ZC3H11A: variants seen among roughly 807,000 people sequenced by gnomAD.
ZC3H11A encodes the protein zinc finger CCCH-type containing 11A.
In ZC3H11A, 22 loss-of-function variants were observed where a neutral mutation model predicts 90.8. The ratio of observed to expected loss-of-function variants is 0.24; its 90% CI spans 0.17 to 0.35. ZC3H11A has a LOEUF of 0.35. Among genes scored for constraint, ZC3H11A ranks in the 10% least tolerant of loss-of-function variants. The pLI, the probability that ZC3H11A is intolerant of heterozygous loss-of-function variation, is 1.00. For synonymous variants in ZC3H11A, 294 were observed against 339.8 expected, an observed-to-expected ratio of 0.87 and a Z score of 1.48; for missense variants, 701 against 964.9, an observed-to-expected ratio of 0.73 and a Z score of 3.62.
At position 203,843,014 on chromosome 1, in the gene ZC3H11A, C is replaced by T. The variant is rs566504717; in HGVS notation, c.1042+2640C>T. 7.9e-5 allele frequency among the ~76,000 whole-genome samples: 12 copies of T among 151,338 alleles called. No individual in the cohort carries two copies. The South Asian group carries it at 2.5e-3, about 32-fold the overall frequency. On this transcript the variant is annotated intron_variant, in intron 12 of 17. Transcript: ENST00000367210. ...TCTATTTATGAATGCTGTTAGCCAC[C>T]TTAGGTTACTTTTTATCCCCCATCC...
At chr1:203,796,233 G>C in intron 1 of ZC3H11A, 2 of 393,108 alleles carry the variant, frequency 5.1e-6, no homozygotes. Flanking sequence ...GACCCTCACT[G>C]CCTAAATCAA....
intron 10 of ZC3H11A, chr1:203,834,196 T>A: frequency 2.0e-6 from 1 of 508,762 alleles, no homozygotes; most frequent in Non-Finnish European, 2.6e-6. Flanking sequence ...TCTCTTAGAA[T>A]ACAGGAATCC....
intron 2 of ZC3H11A, among the ~76,000 whole-genome samples, chr1:203,811,327 AT>A (rs1457604707): frequency 5.9e-5 from 9 of 152,166 alleles, no homozygotes; most frequent in Admixed American, 3.9e-4. Context: ...AGATAAATAA[AT>A]AAATAAAATT....
At chr1:203,821,154 C>T (rs1251102585) in intron 4 of ZC3H11A, among the ~76,000 whole-genome samples, 7 of 152,052 alleles carry the variant, frequency 4.6e-5, no homozygotes, top group South Asian at 2.1e-4. Context: ...AGTGCGTTCT[C>T]GTGAGATCTG....
intron 1 of ZC3H11A, chr1:203,799,521 C>T (rs958860723): frequency 4.3e-6 from 3 of 702,852 alleles, no homozygotes; most frequent in Non-Finnish European, 7.8e-6. Flanking sequence ...CTCAGTTCAC[C>T]ATAGTCTTGG....
chr1:203,834,659 T>C (rs941411232), intron 10 of ZC3H11A, among the ~76,000 whole-genome samples: 3 of 152,114 alleles, frequency 2.0e-5, no homozygotes, highest in African/African-American at 7.2e-5. Flanking sequence ...AAATTATTAT[T>C]ATCATTTGAA....
Position 203,838,033 on chromosome 1 carries a change from A to G in ZC3H11A, c.942A>G (p.Pro314=), listed in dbSNP as rs1684920850. 6.2e-7 allele frequency: 1 copy of G among 1,614,250 alleles called. No individual in the cohort carries two copies. The highest frequency in any genetic ancestry group is 8.5e-7 in the Non-Finnish European group (1 of 1,180,036). The change falls in exon 11 of 18, where the codon CCA becomes CCG. Residue 314 remains proline (P), a synonymous_variant. Coordinates refer to ENST00000367210, the MANE Select transcript of ZC3H11A (RefSeq NM_001376342.1). ...GGCTAGGGAAGAAAGTTGAAGCTCC[A>G]GAAACTAACATTGACAAAACACCAA... ...AQRLGKKVEA[P]ETNIDKTPKK... is the part of the protein sequence containing the mutation.
In ZC3H11A at chr1:203,834,096, A is replaced by T. The variant is rs1683402122; in HGVS notation, c.874+243A>T. ...AGCGTTTTGGAAGGAACTAGATTTT[A>T]AAAATGGTAAAGAACACCTCTATTT... is the stretch of plus-strand genomic sequence containing the variant. On this transcript the variant is annotated intron_variant, in intron 10 of 17. Transcript: ENST00000367210. 5 of 1,171,466 alleles carry T rather than the reference A, an allele frequency of 4.3e-6. No homozygotes were observed. In the South Asian group the frequency reaches 1.5e-4, roughly 36 times the overall value. The allele number at this position is 1,171,466 out of a possible 1,614,324, so 72.6% of individuals were successfully genotyped here.
intron 12 of ZC3H11A, among the ~76,000 whole-genome samples, chr1:203,845,986 AAGATTTC>A (rs1349813290): frequency 6.6e-6 from 1 of 151,864 alleles, no homozygotes; most frequent in African/African-American, 2.4e-5. Context: ...AGTATATTTT[AAGATTTC>A]AGACTGGGTA....
Position 203,830,010 on chromosome 1 carries a change from T to C in ZC3H11A, c.620-113T>C, listed in dbSNP as rs949372535. ...TTCCCATGCTACACGCATACTTACC[T>C]ATACTTAGTTTCTGTTGATCATTTA... On this transcript the variant is annotated intron_variant, in intron 7 of 17. Transcript: ENST00000367210. 7.0e-6 allele frequency: 9 copies of C among 1,293,958 alleles called. No individual in the cohort carries two copies. In the African/African-American group the frequency reaches 1.2e-4, roughly 17 times the overall value. 80.2% of individuals were successfully genotyped at this position (1,293,958 alleles called of 1,614,324 possible).
chr1:203,829,739 G>T, intron 6 of ZC3H11A, 41 bp from the exon 7 acceptor site: 1 of 1,611,208 alleles, frequency 6.2e-7, no homozygotes, highest in East Asian at 2.2e-5. Flanking sequence ...AGCTATAGGC[G>T]TATTTTTAAT....
intron 14 of ZC3H11A, 61 bp downstream of exon 14, chr1:203,848,468 T>C (rs142717570): frequency 7.8e-7 from 1 of 1,283,040 alleles, no homozygotes; most frequent in Non-Finnish European, 1.1e-6. Context: ...TAATTGGTAG[T>C]TTTACCTTAC....
chr1:203,830,925 ATTTTTTTTTTTTTTTTTTTTTTTTT>A (rs774771270), intron 8 of ZC3H11A, among the ~76,000 whole-genome samples: 1 of 51,352 alleles, frequency 1.9e-5, no homozygotes, highest in Admixed American at 2.9e-4. Flanking sequence ...CCAACCCCCA[ATTTTTTTTTTTTTTTTTTTTTTTTT>A]TTTTTTTTTT....
intron 1 of ZC3H11A, 75 bp from the exon 2 acceptor site, chr1:203,801,500 T>C (rs902491228): frequency 6.6e-6 from 1 of 152,518 alleles, no homozygotes; most frequent in Admixed American, 6.5e-5. Flanking sequence ...ATGATGACTT[T>C]TAGTAAAAGT....
At chr1:203,835,592 G>A (rs1684058277) in intron 10 of ZC3H11A, 1 of 178,468 alleles carries the variant, frequency 5.6e-6, no homozygotes, top group South Asian at 1.7e-4. Flanking sequence ...AAACCCTTGT[G>A]GTGTACAGCG....
At chr1:203,825,076 CA>C (rs61108073) in intron 4 of ZC3H11A, among the ~76,000 whole-genome samples, 39 of 108,964 alleles carry the variant, frequency 3.6e-4, no homozygotes, top group Middle Eastern at 4.9e-3. Context: ...GACTCCGTCT[CA>C]AAAAAAAAAA....
chr1:203,818,457 C>A, intron 3 of ZC3H11A, 113 bp from the exon 4 acceptor site: 1 of 1,386,520 alleles, frequency 7.2e-7, no homozygotes, highest in Non-Finnish European at 9.9e-7. Context: ...TTTACCTTAC[C>A]AGTCCTTTCT....
chr1:203,842,310 T>C (rs1326088029), intron 12 of ZC3H11A, among the ~76,000 whole-genome samples: 2 of 152,096 alleles, frequency 1.3e-5, no homozygotes, highest in Non-Finnish European at 2.9e-5. Context: ...CTGGGCAACA[T>C]TGAGCACTGA....
At chr1:203,838,954 CAAAAAAAAAA>C (rs59033094) in intron 11 of ZC3H11A, among the ~76,000 whole-genome samples, 2 of 97,944 alleles carry the variant, frequency 2.0e-5, no homozygotes, top group Non-Finnish European at 4.0e-5. Context: ...GACTTCATCT[CAAAAAAAAAA>C]AAAAAAAAAA....
Sources: gnomAD v4.1 joint callset for allele counts (sites outside exome capture counted in the v4.1 genomes callset) on GRCh38, gnomAD v4.1.1 for gene constraint, MANE v1.5 for transcripts, NCBI Gene and HGNC (gene_info 2026-07-23, HGNC 2026-07-21) for gene names.